Variants in TBC1D1 observed in about 807,000 individuals in gnomAD.
TBC1D1 encodes the protein TBC1 domain family member 1.
In TBC1D1, 89 loss-of-function variants were observed where a neutral mutation model predicts 125.6. The observed-to-expected ratio is 0.71, with a 90% CI of 0.60 to 0.85. The LOEUF (loss-of-function observed/expected upper bound fraction) is 0.85. TBC1D1 is among the 40% of genes least tolerant of loss of function. TBC1D1 has a pLI of 0.00. For synonymous variants in TBC1D1, 565 were observed against 564.1 expected (o/e 1.00, Z -0.02); for missense variants, 1,377 against 1,469.2 (o/e 0.94, Z 1.03).
At chr4:37,904,364 G>A (rs1479179470) in intron 2 of TBC1D1, among the ~76,000 whole-genome samples, 1 of 152,190 alleles carries the variant, frequency 6.6e-6, no homozygotes, top group Non-Finnish European at 1.5e-5. Flanking sequence ...TAACTTAATG[G>A]CTCCTATTAT....
At chr4:38,033,533 T>C (rs1746615154) in intron 7 of TBC1D1, among the ~76,000 whole-genome samples, 1 of 152,224 alleles carries the variant, frequency 6.6e-6, no homozygotes, top group South Asian at 2.1e-4. Context: ...TTCATTATAA[T>C]TGATGAGCCA....
intron 2 of TBC1D1, among the ~76,000 whole-genome samples, chr4:37,904,466 G>C (rs1029645915): frequency 7.2e-5 from 11 of 152,212 alleles, no homozygotes; most frequent in African/African-American, 2.4e-4. Flanking sequence ...TCCTTGGGGA[G>C]AGTTTGTGCG....
At chr4:38,034,432 C>G (rs1404042615) in intron 7 of TBC1D1, among the ~76,000 whole-genome samples, 2 of 152,228 alleles carry the variant, frequency 1.3e-5, no homozygotes, top group Non-Finnish European at 2.9e-5. Context: ...ATTAACTATC[C>G]TTTCCTTAAG....
intron 15 of TBC1D1, chr4:38,110,453 C>A: frequency 1.0e-6 from 1 of 985,358 alleles, no homozygotes; most frequent in Non-Finnish European, 1.2e-6. Context: ...AAAGATTGAT[C>A]CTGGAAGAAC....
At chr4:37,991,151 G>A (rs745650182) in intron 2 of TBC1D1, among the ~76,000 whole-genome samples, 1 of 152,134 alleles carries the variant, frequency 6.6e-6, no homozygotes, top group Non-Finnish European at 1.5e-5. Flanking sequence ...TAGCCCCTTG[G>A]TATACAGAGG....
intron 2 of TBC1D1, among the ~76,000 whole-genome samples, chr4:37,987,950 G>A (rs1032839958): frequency 1.3e-5 from 2 of 152,128 alleles, no homozygotes; most frequent in East Asian, 1.9e-4. Context: ...ATGTTTTATC[G>A]GCCTATAGAT....
intron 18 of TBC1D1, among the ~76,000 whole-genome samples, chr4:38,127,610 C>T (rs1035992889): frequency 5.9e-5 from 9 of 152,130 alleles, no homozygotes; most frequent in Non-Finnish European, 5.9e-5. Context: ...TCTTGAACTC[C>T]TGGCCTCAAG....
rs748115749 is a variant in TBC1D1 at position 38,095,985 on chromosome 4, C to A, written c.2293C>A (p.Pro765Thr). Residue 765 changes from proline to threonine, a missense_variant, in exon 14 of 20, where the codon CCC (proline) becomes ACC (threonine). Pro to Thr is a conservative substitution (Grantham distance 38). Transcript: ENST00000261439. ...GAAGCTCGATTATGAAGAAATTACT[C>A]CCTGTCTTAAAGAAGTAACTACAGT... 6.2e-7 allele frequency: 1 copy of A among 1,613,992 alleles called. No homozygotes were observed. Among genetic ancestry groups the A allele is most frequent in the Non-Finnish European group, 8.5e-7 (1 of 1,179,946 alleles).
chr4:38,029,870 T>A (rs1210726298), intron 7 of TBC1D1, among the ~76,000 whole-genome samples: 1 of 152,238 alleles, frequency 6.6e-6, no homozygotes, highest in African/African-American at 2.4e-5. Flanking sequence ...TGCTACTTTG[T>A]TTTTTCTTAA....
At position 38,020,602 on chromosome 4, in the gene TBC1D1, C is replaced by T. The variant is rs761845611; in HGVS notation, c.984C>T (p.His328=). ...TCTCCCTTTGGCAGGGCATCAGACA[C>T]GTGGACCACTTTGGGTTTATCTGTC... The change falls in exon 5 of 20, where the codon CAC becomes CAT. Residue 328 remains histidine, a synonymous_variant. Coordinates refer to ENST00000261439, the MANE Select transcript of TBC1D1 (RefSeq NM_015173.4). 1.4e-5 allele frequency: 22 copies of T among 1,612,578 alleles called. No homozygotes were observed. Among genetic ancestry groups the T allele is most frequent in the Middle Eastern group, 1.6e-4 (1 of 6,074 alleles).
intron 8 of TBC1D1, 52 bp downstream of exon 8, chr4:38,035,750 G>A: frequency 7.5e-7 from 1 of 1,325,256 alleles, no homozygotes; most frequent in Non-Finnish European, 1.1e-6. Flanking sequence ...CCAAGTCTCT[G>A]TATAAACAAC....
chr4:38,006,771 G>GC (rs1740359655), intron 2 of TBC1D1: 1 of 467,204 alleles, frequency 2.1e-6, no homozygotes, highest in African/African-American at 2.0e-5. Context: ...GAGCCACTGC[G>GC]CCTGGCCCAA....
chr4:37,899,227 G>A (rs907631747), intron 1 of TBC1D1, among the ~76,000 whole-genome samples: 1 of 151,818 alleles, frequency 6.6e-6, no homozygotes, highest in Non-Finnish European at 1.5e-5. Context: ...TGGCCATTCA[G>A]TGAGTAGTGA....
At chr4:37,960,904 A>G (rs1359903698) in intron 2 of TBC1D1, 1 of 1,614,052 alleles carries the variant, frequency 6.2e-7, no homozygotes, top group African/African-American at 1.3e-5. Context: ...GAGCTTGAAA[A>G]GCTGTTTCAG....
At chr4:38,031,215 C>G (rs1002763081) in intron 7 of TBC1D1, among the ~76,000 whole-genome samples, 4 of 152,166 alleles carry the variant, frequency 2.6e-5, no homozygotes, top group Admixed American at 2.0e-4. Context: ...AAGTCTAATT[C>G]TCCTAATCTA....
intron 12 of TBC1D1, among the ~76,000 whole-genome samples, chr4:38,065,844 T>G (rs755734709): frequency 3.8e-4 from 58 of 152,216 alleles, no homozygotes; most frequent in Non-Finnish European, 7.4e-4. Flanking sequence ...GAGACAGGGT[T>G]TCGCCATGTT....
chr4:38,132,182 A>G (rs1578868773), intron 18 of TBC1D1, among the ~76,000 whole-genome samples: 1 of 146,328 alleles, frequency 6.8e-6, no homozygotes, highest in South Asian at 2.1e-4. Flanking sequence ...CTGATCTAGC[A>G]GGGTTTTTTT....
chr4:37,975,729 T>C (rs912689500), intron 2 of TBC1D1, among the ~76,000 whole-genome samples: 5 of 152,180 alleles, frequency 3.3e-5, no homozygotes, highest in African/African-American at 9.7e-5. Flanking sequence ...CTCCTATCTC[T>C]GTATGGCCTG....
chr4:38,018,645 T>C, intron 4 of TBC1D1, among the ~76,000 whole-genome samples: 1 of 152,194 alleles, frequency 6.6e-6, no homozygotes, highest in Non-Finnish European at 1.5e-5. Context: ...AAATTTGCTC[T>C]TAGCAACAGT....
Sources: allele counts gnomAD v4.1 joint callset (sites outside exome capture counted in the v4.1 genomes callset), GRCh38; gene constraint gnomAD v4.1.1; transcripts MANE v1.5; gene names NCBI Gene and HGNC (gene_info 2026-07-23, HGNC 2026-07-21).